NEDD4: variants seen among roughly 807,000 people sequenced by gnomAD.
The protein encoded by NEDD4 is E3 ubiquitin-protein ligase NEDD4.
NEDD4 carries 99 observed loss-of-function variants against 144.9 expected under a neutral mutation model. The observed-to-expected ratio is 0.68, with a 90% CI of 0.58 to 0.81. The LOEUF (loss-of-function observed/expected upper bound fraction) is 0.81, where lower values mean the gene tolerates loss of function less well. NEDD4 is among the 30% of genes least tolerant of loss of function. The probability of loss-of-function intolerance (pLI) is 0.00; values close to 1 mark genes in which losing one functional copy is unlikely to be tolerated. For synonymous variants in NEDD4, 318 were observed against 350.6 expected (o/e 0.91, Z 1.04); for missense variants, 985 against 1,065.9 (o/e 0.92, Z 1.06).
intron 5 of NEDD4, among the ~76,000 whole-genome samples, chr15:55,920,794 T>C (rs554160382): frequency 6.6e-6 from 1 of 152,310 alleles, no homozygotes; most frequent in South Asian, 2.1e-4. Flanking sequence ...TCAGGTCTGT[T>C]ACTCCACCAA....
At chr15:55,838,256 G>T in intron 22 of NEDD4, 76 bp from the exon 23 acceptor site, 1 of 1,016,842 alleles carries the variant, frequency 9.8e-7, no homozygotes, top group South Asian at 1.6e-5. Context: ...GTAGTTATAC[G>T]AGAAACTTGG....
chr15:55,844,590 GTCTT>G (rs1298665930), intron 18 of NEDD4, among the ~76,000 whole-genome samples: 1 of 152,124 alleles, frequency 6.6e-6, no homozygotes, highest in Non-Finnish European at 1.5e-5. Context: ...CAGGTTACAT[GTCTT>G]TTCTAAGGAT....
intron 5 of NEDD4, among the ~76,000 whole-genome samples, chr15:55,924,004 A>C (rs1489039168): frequency 2.6e-5 from 4 of 152,192 alleles, no homozygotes; most frequent in African/African-American, 9.6e-5. Flanking sequence ...TGAGGGTTTG[A>C]GATTGGATCC....
At chr15:55,853,069 TAAG>T (rs1262627786) in intron 12 of NEDD4, among the ~76,000 whole-genome samples, 1 of 151,946 alleles carries the variant, frequency 6.6e-6, no homozygotes, top group Non-Finnish European at 1.5e-5. Context: ...TAAATATTAA[TAAG>T]AAAGAATCCT....
chr15:55,933,690 A>C (rs1465299750), intron 4 of NEDD4, among the ~76,000 whole-genome samples: 1 of 152,076 alleles, frequency 6.6e-6, no homozygotes, highest in Non-Finnish European at 1.5e-5. Flanking sequence ...ATAAAAAAAA[A>C]AATCTGATGG....
chr15:55,919,969 G>A (rs2036539373), intron 5 of NEDD4, among the ~76,000 whole-genome samples: 1 of 152,150 alleles, frequency 6.6e-6, no homozygotes, highest in African/African-American at 2.4e-5. Context: ...GACATGATTA[G>A]CATTTAAATC....
intron 5 of NEDD4, among the ~76,000 whole-genome samples, chr15:55,922,447 C>T (rs1595847486): frequency 6.6e-6 from 1 of 152,178 alleles, no homozygotes; most frequent in African/African-American, 2.4e-5. Context: ...ACTGCAACCT[C>T]CACCTCCTGG....
chr15:55,923,305 A>C lies in NEDD4; in HGVS notation c.291+1341T>G, dbSNP rs1423939152. 3.3e-5 allele frequency among the ~76,000 whole-genome samples: 5 copies of C among 152,222 alleles called. No individual in the cohort carries two copies. The South Asian group carries it at 1.0e-3, about 32-fold the overall frequency. ...ACAGAAAACAAATAGCTCTGTAACT[A>C]ACCATATCTGATAATCAAATCAGCA... On this transcript the variant is annotated intron_variant, in intron 5 of 28. Transcript: ENST00000435532.
chr15:55,894,846 G>A (rs1176699787), intron 5 of NEDD4, among the ~76,000 whole-genome samples: 4 of 152,072 alleles, frequency 2.6e-5, no homozygotes, highest in African/African-American at 7.2e-5. Flanking sequence ...GGTTGTGTCC[G>A]TATCAAATAT....
intron 4 of NEDD4, among the ~76,000 whole-genome samples, chr15:55,925,209 C>T (rs1443989781): frequency 1.3e-5 from 2 of 152,170 alleles, no homozygotes; most frequent in African/African-American, 2.4e-5. Flanking sequence ...ACAACAACAA[C>T]AAAGTGAATC....
At chr15:55,931,349 A>G (rs1425396469) in intron 4 of NEDD4, among the ~76,000 whole-genome samples, 1 of 152,194 alleles carries the variant, frequency 6.6e-6, no homozygotes, top group Non-Finnish European at 1.5e-5. Flanking sequence ...AGGACAGAAC[A>G]CCAGAATTTG....
intron 5 of NEDD4, among the ~76,000 whole-genome samples, chr15:55,892,737 T>G (rs2035612656): frequency 6.6e-6 from 1 of 152,202 alleles, no homozygotes; most frequent in Non-Finnish European, 1.5e-5. Context: ...TAGAGTTTTC[T>G]CTGACATAGT....
intron 18 of NEDD4, among the ~76,000 whole-genome samples, chr15:55,845,773 C>T (rs576685125): frequency 6.7e-6 from 1 of 149,172 alleles, no homozygotes; most frequent in South Asian, 2.1e-4. Flanking sequence ...AATTTCGACA[C>T]AAAGTTATTC....
At chr15:55,973,559 AT>A (rs1312218544) in intron 1 of NEDD4, among the ~76,000 whole-genome samples, 1 of 152,184 alleles carries the variant, frequency 6.6e-6, no homozygotes, top group Non-Finnish European at 1.5e-5. Flanking sequence ...AATTTAAAAA[AT>A]TAAAATCTTA....
chr15:55,862,470 G>A (rs2034443666), intron 9 of NEDD4, among the ~76,000 whole-genome samples: 1 of 152,112 alleles, frequency 6.6e-6, no homozygotes, highest in Non-Finnish European at 1.5e-5. Context: ...TGACCAGACT[G>A]TCAAATGCGC....
chr15:55,900,273 G>A (rs1315397404), intron 5 of NEDD4, among the ~76,000 whole-genome samples: 5 of 152,144 alleles, frequency 3.3e-5, no homozygotes, highest in Admixed American at 3.3e-4. Flanking sequence ...TTGTTTTAGA[G>A]CGCATGGGAG....
intron 1 of NEDD4, among the ~76,000 whole-genome samples, chr15:55,979,349 T>C (rs1264543156): frequency 5.6e-5 from 7 of 124,882 alleles, no homozygotes; most frequent in African/African-American, 1.8e-4. Flanking sequence ...CTTTTTTTTT[T>C]TTTTTTTTTT....
chr15:55,855,485 G>T (rs62043761), intron 12 of NEDD4, among the ~76,000 whole-genome samples: 12,213 of 152,198 alleles, frequency 0.08, 627 homozygotes, highest in Middle Eastern at 0.15. Flanking sequence ...TGGGAGCCTG[G>T]GAGTTTTACT....
chr15:55,916,931 C>G, intron 5 of NEDD4: 2 of 1,499,976 alleles, frequency 1.3e-6, no homozygotes, highest in Middle Eastern at 1.9e-4. Flanking sequence ...AAGAAAAAAT[C>G]ATTTGTGGTG....
Sources: allele counts gnomAD v4.1 joint callset (sites outside exome capture counted in the v4.1 genomes callset), GRCh38; gene constraint gnomAD v4.1.1; transcripts MANE v1.5; gene names NCBI Gene and HGNC (gene_info 2026-07-23, HGNC 2026-07-21).